ZC3H12C: variants seen among roughly 807,000 people sequenced by gnomAD.
The protein encoded by ZC3H12C is probable ribonuclease ZC3H12C.
A neutral mutation model predicts 76.3 loss-of-function variants in ZC3H12C; 20 were observed. That is an observed-to-expected ratio of 0.26 (90% CI 0.18 to 0.38). The LOEUF is 0.38. Ranked by LOEUF, ZC3H12C falls within the 10% of genes least tolerant of loss-of-function variation. The pLI is 1.00. For synonymous variants in ZC3H12C, 352 were observed against 399.6 expected (o/e 0.88, Z 1.42); for missense variants, 874 against 1,086.5 (o/e 0.80, Z 2.75).
chr11:110,109,870 G>A lies in ZC3H12C; in HGVS notation c.21+16438G>A, dbSNP rs180740898. On this transcript the variant is annotated intron_variant, in intron 1 of 5. Coordinates refer to ENST00000278590, the MANE Select transcript of ZC3H12C (RefSeq NM_033390.2). Reference sequence around the variant, plus strand: ...AGATAGTGGGATTTTTAGATGGTTGGCTGGTTTGTTTTTGGCTTTCTATCT... The same window carrying A: ...AGATAGTGGGATTTTTAGATGGTTGACTGGTTTGTTTTTGGCTTTCTATCT... 2.7e-3 allele frequency among the ~76,000 whole-genome samples: 404 copies of A among 152,174 alleles called. 3 individuals carry two copies. The highest frequency in any genetic ancestry group is 4.1e-3 in the Non-Finnish European group (279 of 67,988).
intron 1 of ZC3H12C, among the ~76,000 whole-genome samples, chr11:110,097,715 G>C (rs1445109325): frequency 6.6e-6 from 1 of 152,174 alleles, no homozygotes; most frequent in Non-Finnish European, 1.5e-5. Context: ...GCCAGGCTAA[G>C]TCCCTGTTAA....
chr11:110,151,738 A>G (rs559995290), intron 2 of ZC3H12C, among the ~76,000 whole-genome samples: 38 of 152,074 alleles, frequency 2.5e-4, no homozygotes, highest in South Asian at 8.3e-4. Flanking sequence ...ATTTTCTGAA[A>G]CTCTGGTGCA....
intron 2 of ZC3H12C, among the ~76,000 whole-genome samples, chr11:110,150,347 G>C (rs1329726419): frequency 1.3e-5 from 1 of 77,370 alleles, no homozygotes; most frequent in Non-Finnish European, 3.3e-5. Context: ...TTTAATATAG[G>C]TTTTCAATTT....
rs1862613351 is a variant in ZC3H12C at position 110,168,141 on chromosome 11, C to G, written c.*2404C>G. ...TGTGTGACACTTTGAATTTGACCTT[C>G]TTGTGTTATTAGCTGACTATTTGTC... On this transcript the variant is annotated 3_prime_UTR_variant, in exon 6 of 6. Transcript: ENST00000278590. 6.6e-6 allele frequency: 1 copy of G among 152,042 alleles called. No individual in the cohort carries two copies. Among genetic ancestry groups the G allele is most frequent in the Non-Finnish European group, 1.5e-5 (1 of 67,988 alleles). The allele number at this position is 152,042 out of a possible 1,614,324, so 9.4% of individuals were successfully genotyped here. A position where few individuals can be genotyped will look rare whatever the true frequency, so the allele number is the denominator to read the frequency against.
At chr11:110,152,817 A>T (rs940479905) in intron 2 of ZC3H12C, 102 bp from the exon 3 acceptor site, 8 of 1,320,276 alleles carry the variant, frequency 6.1e-6, no homozygotes, top group Non-Finnish European at 8.4e-6. Flanking sequence ...GACGTCTCTT[A>T]TTACTGTTGT....
chr11:110,147,866 A>T lies in ZC3H12C; in HGVS notation c.774-5053A>T, dbSNP rs968988847. On this transcript the variant is annotated intron_variant, in intron 2 of 5. Transcript: ENST00000278590. ...TGTGTTTTGCATGTTCTGTTTAGGG[A>T]AGTTTTGGAGAATGGAATCCACATT... Among the ~76,000 whole-genome samples the T allele has an allele frequency of 2.0e-4, 31 of 152,154 alleles. 1 individual carries two copies. Among genetic ancestry groups the T allele is most frequent in the African/African-American group, 6.0e-4 (25 of 41,502 alleles).
chr11:110,114,768 C>T (rs951300937), intron 1 of ZC3H12C, among the ~76,000 whole-genome samples: 3 of 152,110 alleles, frequency 2.0e-5, no homozygotes, highest in Admixed American at 2.0e-4. Context: ...CTAAATTATA[C>T]CACTGTCAAT....
At chr11:110,096,912 T>A (rs982290517) in intron 1 of ZC3H12C, among the ~76,000 whole-genome samples, 1 of 152,226 alleles carries the variant, frequency 6.6e-6, no homozygotes, top group African/African-American at 2.4e-5. Context: ...TGGCAAATGA[T>A]GTAACAGCAG....
At chr11:110,104,179 G>C (rs994349262) in intron 1 of ZC3H12C, among the ~76,000 whole-genome samples, 1 of 151,602 alleles carries the variant, frequency 6.6e-6, no homozygotes, top group Non-Finnish European at 1.5e-5. Context: ...GGGTAGCTGG[G>C]TTATGGACCA....
At chr11:110,138,200 A>G (rs1429265118) in intron 2 of ZC3H12C, among the ~76,000 whole-genome samples, 1 of 151,096 alleles carries the variant, frequency 6.6e-6, no homozygotes, top group Non-Finnish European at 1.5e-5. Context: ...CTTATGGGTA[A>G]CTGCTCACAA....
chr11:110,164,901 A>G lies in ZC3H12C; in HGVS notation c.1816A>G (p.Ser606Gly), dbSNP rs1471437145. Residue 606 changes from serine to glycine, a missense_variant, in exon 6 of 6, where the codon AGC becomes GGC. By Grantham distance (56) the Ser-to-Gly change is moderately conservative. Coordinates refer to ENST00000278590, the MANE Select transcript of ZC3H12C (RefSeq NM_033390.2). The surrounding 1 kb of genome is among the most constrained non-coding windows in gnomAD (Gnocchi z 5.7). ...AAATCTGAGTCTCTCAGGCCCACGAAGCCCTGAAAGGCGTTTCTCCTTAGA... is the reference window on the plus strand; with the variant it reads ...AAATCTGAGTCTCTCAGGCCCACGAGGCCCTGAAAGGCGTTTCTCCTTAGA... ...YSNLSLSGPR[S>G]PERRFSLDTD... 2 of 1,614,014 alleles carry G rather than the reference A, an allele frequency of 1.2e-6. No homozygotes were observed. Among genetic ancestry groups the G allele is most frequent in the Non-Finnish European group, 1.7e-6 (2 of 1,179,890 alleles).
Position 110,164,407 on chromosome 11 carries a change from G to A in ZC3H12C, c.1322G>A (p.Arg441Gln), listed in dbSNP as rs147027799. Residue 441 changes from arginine to glutamine, a missense_variant, in exon 6 of 6, where the codon CGG becomes CAG. By Grantham distance (43) the Arg-to-Gln change is conservative. Coordinates refer to ENST00000278590, the MANE Select transcript of ZC3H12C (RefSeq NM_033390.2). The surrounding 1 kb of genome is among the most constrained non-coding windows in gnomAD (Gnocchi z 5.7). ...CCCGAAAGGGGCAGTCAGCCACAGC[G>A]GTCAGTGGCTGATGAACTCCGTGCC... ...YHPERGSQPQ[R>Q]SVADELRAMS... is the part of the protein sequence containing the mutation. 15 of 1,613,810 alleles carry A rather than the reference G, an allele frequency of 9.3e-6. No individual in the cohort carries two copies. Among genetic ancestry groups the A allele is most frequent in the Admixed American group, 3.3e-5 (2 of 60,008 alleles).
intron 1 of ZC3H12C, among the ~76,000 whole-genome samples, chr11:110,129,711 G>A (rs956878448): frequency 1.3e-5 from 2 of 152,104 alleles, no homozygotes; most frequent in Non-Finnish European, 2.9e-5. Flanking sequence ...GGGAATGTGC[G>A]TGCTTGTGTT....
chr11:110,122,519 C>T (rs1394869100), intron 1 of ZC3H12C, among the ~76,000 whole-genome samples: 1 of 152,154 alleles, frequency 6.6e-6, no homozygotes, highest in Non-Finnish European at 1.5e-5. Context: ...GGAACTGTGG[C>T]ATACATATAT....
At chr11:110,104,836 TTTGA>T (rs1332653101) in intron 1 of ZC3H12C, among the ~76,000 whole-genome samples, 1 of 152,262 alleles carries the variant, frequency 6.6e-6, no homozygotes, top group Non-Finnish European at 1.5e-5. Context: ...GTGTCGTTGA[TTTGA>T]TTGAACAGAG....
intron 1 of ZC3H12C, among the ~76,000 whole-genome samples, chr11:110,104,614 C>G (rs1472313552): frequency 6.6e-6 from 1 of 152,168 alleles, no homozygotes; most frequent in South Asian, 2.1e-4. Context: ...GTGGAGAGAG[C>G]AGGTGGGGCC....
At chr11:110,110,875 A>C (rs1478094330) in intron 1 of ZC3H12C, among the ~76,000 whole-genome samples, 1 of 152,240 alleles carries the variant, frequency 6.6e-6, no homozygotes, top group Non-Finnish European at 1.5e-5. Flanking sequence ...CTAGCTTCAG[A>C]GTGTAAGTAG....
At chr11:110,128,889 CAAAAAA>C (rs145436449) in intron 1 of ZC3H12C, among the ~76,000 whole-genome samples, 7 of 94,172 alleles carry the variant, frequency 7.4e-5, no homozygotes, top group South Asian at 3.9e-4. Context: ...CCACCACTAA[CAAAAAA>C]AAAAAAAAAA....
At position 110,169,688 on chromosome 11, in the gene ZC3H12C, G is replaced by A. The variant is rs1270978237; in HGVS notation, c.*3951G>A. On this transcript the variant is annotated 3_prime_UTR_variant, in exon 6 of 6. Coordinates refer to ENST00000278590, the MANE Select transcript of ZC3H12C (RefSeq NM_033390.2). ...AGGTATACACCAACAAATAAAATGA[G>A]GTATTAAAAAGAGATGGATTACACA... The A allele has an allele frequency of 6.6e-6, 1 of 152,084 alleles. No individual in the cohort carries two copies. Among genetic ancestry groups the A allele is most frequent in the Non-Finnish European group, 1.5e-5 (1 of 67,990 alleles). The allele number at this position is 152,084 out of a possible 1,614,324, so 9.4% of individuals were successfully genotyped here. A position where few individuals can be genotyped will look rare whatever the true frequency, so the allele number is the denominator to read the frequency against.
Sources: gnomAD v4.1 joint callset for allele counts (sites outside exome capture counted in the v4.1 genomes callset) on GRCh38, gnomAD v4.1.1 for gene constraint, Gnocchi (gnomAD v3.1) non-coding constraint, MANE v1.5 for transcripts, NCBI Gene and HGNC (gene_info 2026-07-23, HGNC 2026-07-21) for gene names.